The following FOXP2 variants were observed in gnomAD, a reference collection of about 807,000 sequenced individuals.
FOXP2 encodes the protein forkhead box P2.
FOXP2 carries 12 observed loss-of-function variants against 115.8 expected under a neutral mutation model. That is an observed-to-expected ratio of 0.10 (90% CI 0.07 to 0.17). The LOEUF is 0.17. Ranked by LOEUF, FOXP2 falls within the 10% of genes least tolerant of loss-of-function variation. FOXP2 has a pLI of 1.00. For synonymous variants in FOXP2, 328 were observed against 297.7 expected (o/e 1.10, Z -1.05); for missense variants, 629 against 843.5 (o/e 0.75, Z 3.15).
chr7:114,094,698 A>G (rs558900956), intron 1 of FOXP2, among the ~76,000 whole-genome samples: 2 of 152,122 alleles, frequency 1.3e-5, no homozygotes, highest in East Asian at 1.9e-4. Flanking sequence ...GTCTCGCTCT[A>G]TTGACCAGGC....
At chr7:114,399,683 TG>T (rs1319731609) in intron 2 of FOXP2, among the ~76,000 whole-genome samples, 4 of 151,948 alleles carry the variant, frequency 2.6e-5, no homozygotes, top group Non-Finnish European at 5.9e-5. Context: ...TATACTTCAG[TG>T]GAGGTGGAGG....
intron 16 of FOXP2, among the ~76,000 whole-genome samples, chr7:114,678,177 A>C (rs1197824139): frequency 6.6e-6 from 1 of 152,112 alleles, no homozygotes. Flanking sequence ...TTTTTTCCTA[A>C]AAAATAGCCA....
chr7:114,430,706 A>C (rs1458822505), intron 2 of FOXP2, among the ~76,000 whole-genome samples: 1 of 151,848 alleles, frequency 6.6e-6, no homozygotes, highest in Admixed American at 6.6e-5. Context: ...TGTGAAGCTG[A>C]TCTGTACTAT....
intron 2 of FOXP2, among the ~76,000 whole-genome samples, chr7:114,364,425 T>C (rs977361187): frequency 1.3e-5 from 2 of 152,162 alleles, no homozygotes; most frequent in Admixed American, 6.5e-5. Context: ...TGTAGATGGA[T>C]TGGTGCAAAT....
intron 2 of FOXP2, among the ~76,000 whole-genome samples, chr7:114,327,879 T>TTTTA: frequency 6.6e-6 from 1 of 151,256 alleles, no homozygotes; most frequent in Non-Finnish European, 1.5e-5. Context: ...ACTATGTAAG[T>TTTTA]TTTATTTATT....
Position 114,176,244 on chromosome 7 carries a change from CTT to C in FOXP2, c.-102+13158_-102+13159del, listed in dbSNP as rs1370535139. Among the ~76,000 whole-genome samples the C allele has an allele frequency of 8.2e-3, 1,233 of 149,628 alleles. 11 individuals are homozygous for C. The highest frequency in any genetic ancestry group is 0.029 in the African/African-American group (1,154 of 40,174). Reference sequence around the variant, plus strand: ...GTCTTGTCTTGTCTTTTCTTTCTTTCTTTCTCTCTCTCTCTTTCCCTTTCTTT... The same window carrying C: ...GTCTTGTCTTGTCTTTTCTTTCTTTCTCTCTCTCTCTCTTTCCCTTTCTTT... On this transcript the variant is annotated intron_variant, in intron 1 of 17. Coordinates refer to the FOXP2 transcript ENST00000634411.
intron 6 of FOXP2, among the ~76,000 whole-genome samples, chr7:114,637,278 G>A (rs759014296): frequency 2.6e-5 from 4 of 152,138 alleles, no homozygotes; most frequent in Non-Finnish European, 5.9e-5. Flanking sequence ...TTGTGGTACT[G>A]GCAGTGAATA....
intron 1 of FOXP2, among the ~76,000 whole-genome samples, chr7:114,419,104 A>G (rs1390585386): frequency 1.3e-5 from 2 of 151,948 alleles, no homozygotes; most frequent in Non-Finnish European, 2.9e-5. Context: ...ATGCTAACTG[A>G]CTGTGCATAT....
chr7:114,617,992 C>T (rs575770601), intron 3 of FOXP2, among the ~76,000 whole-genome samples: 2 of 152,152 alleles, frequency 1.3e-5, no homozygotes, highest in Admixed American at 6.5e-5. Flanking sequence ...ACACTTTTGC[C>T]TAGGGAAGAC....
intron 2 of FOXP2, among the ~76,000 whole-genome samples, chr7:114,498,473 T>A (rs977616146): frequency 6.6e-6 from 1 of 152,090 alleles, no homozygotes; most frequent in African/African-American, 2.4e-5. Flanking sequence ...CAATACAGCC[T>A]GGTTAAGTGC....
chr7:114,664,066 A>T (rs1372819481), intron 15 of FOXP2, among the ~76,000 whole-genome samples: 1 of 152,158 alleles, frequency 6.6e-6, no homozygotes, highest in Non-Finnish European at 1.5e-5. Context: ...TGCTGCAAGG[A>T]CGATTGTTTA....
intron 2 of FOXP2, among the ~76,000 whole-genome samples, chr7:114,441,725 T>G (rs1015637344): frequency 6.6e-6 from 1 of 152,174 alleles, no homozygotes; most frequent in Non-Finnish European, 1.5e-5. Flanking sequence ...AAAGAAGATA[T>G]ATGAATGGGC....
intron 16 of FOXP2, among the ~76,000 whole-genome samples, chr7:114,681,598 T>C (rs1249522121): frequency 1.3e-5 from 2 of 152,206 alleles, no homozygotes; most frequent in African/African-American, 4.8e-5. Context: ...ATTTCAATGA[T>C]GGCTCCTCTA....
intron 2 of FOXP2, among the ~76,000 whole-genome samples, chr7:114,480,448 A>G (rs1288372975): frequency 6.6e-6 from 1 of 151,264 alleles, no homozygotes; most frequent in Non-Finnish European, 1.5e-5. Context: ...TTTTATTCAG[A>G]AAAAAAAGAT....
chr7:114,228,204 A>G (rs1443303519), intron 1 of FOXP2, among the ~76,000 whole-genome samples: 1 of 152,030 alleles, frequency 6.6e-6, no homozygotes, highest in African/African-American at 2.4e-5. Flanking sequence ...AAAATGGACT[A>G]GACAAGAGTG....
At chr7:114,305,327 A>G (rs1345417130) in intron 2 of FOXP2, among the ~76,000 whole-genome samples, 1 of 152,184 alleles carries the variant, frequency 6.6e-6, no homozygotes, top group Non-Finnish European at 1.5e-5. Flanking sequence ...CATCAGCTTC[A>G]TAATTATTTT....
intron 7 of FOXP2, among the ~76,000 whole-genome samples, chr7:114,643,833 A>G (rs540824444): frequency 6.6e-6 from 1 of 152,302 alleles, no homozygotes; most frequent in South Asian, 2.1e-4. Flanking sequence ...AGTGTAGTGG[A>G]CTGATAGTGT....
chr7:114,306,870 C>A (rs980446200), intron 2 of FOXP2, among the ~76,000 whole-genome samples: 1 of 152,044 alleles, frequency 6.6e-6, no homozygotes, highest in African/African-American at 2.4e-5. Flanking sequence ...ACTGGTTGAG[C>A]CTTTCTAACA....
intron 3 of FOXP2, among the ~76,000 whole-genome samples, chr7:114,600,856 T>C (rs1343073457): frequency 6.6e-6 from 1 of 152,208 alleles, no homozygotes; most frequent in East Asian, 1.9e-4. Flanking sequence ...TATTTTCTTA[T>C]TGTTGAATTA....
Sources: gnomAD v4.1 joint callset for allele counts (sites outside exome capture counted in the v4.1 genomes callset) on GRCh38, gnomAD v4.1.1 for gene constraint, MANE v1.5 for transcripts, NCBI Gene and HGNC (gene_info 2026-07-23, HGNC 2026-07-21) for gene names.